Variants in SCHIP1 observed in about 807,000 individuals in gnomAD.
The protein encoded by SCHIP1 is schwannomin interacting protein 1, also known as schwannomin-interacting protein 1.
A neutral mutation model predicts 29.7 loss-of-function variants in SCHIP1; 8 were observed. The observed-to-expected ratio is 0.27, with a 90% CI of 0.16 to 0.49. SCHIP1 has a LOEUF of 0.49. Ranked by LOEUF, SCHIP1 falls within the 20% of genes least tolerant of loss-of-function variation. The pLI is 0.99. For missense variants in SCHIP1, 193 were observed against 294.6 expected, an observed-to-expected ratio of 0.66 and a Z score of 2.52; for synonymous variants, 76 against 94.9, an observed-to-expected ratio of 0.80 and a Z score of 1.16.
At chr3:159,521,555 C>T in the SCHIP1 span, among the ~76,000 whole-genome samples, 1 of 152,228 alleles carries the variant, frequency 6.6e-6, no homozygotes. Context: ...TATGTTTCAC[C>T]CAGGTGCCTT....
chr3:159,668,373 T>C, the SCHIP1 span, among the ~76,000 whole-genome samples: 1 of 103,774 alleles, frequency 9.6e-6, no homozygotes, highest in Non-Finnish European at 1.6e-5. Flanking sequence ...CGAGACTCCG[T>C]CTCAAAAAAA....
chr3:159,732,893 A>G, the SCHIP1 span, among the ~76,000 whole-genome samples: 1 of 152,214 alleles, frequency 6.6e-6, no homozygotes, highest in Non-Finnish European at 1.5e-5. Context: ...TGGAATGTCT[A>G]TAGGCCTGGA....
chr3:159,771,047 G>A, the SCHIP1 span, among the ~76,000 whole-genome samples: 3 of 152,262 alleles, frequency 2.0e-5, no homozygotes, highest in East Asian at 5.8e-4. Flanking sequence ...TTCTTCTGAC[G>A]AAGTTATTTC....
chr3:159,391,118 A>G, the SCHIP1 span, among the ~76,000 whole-genome samples: 1 of 152,160 alleles, frequency 6.6e-6, no homozygotes, highest in East Asian at 1.9e-4. Flanking sequence ...CGCAGGGAAT[A>G]GTTTAAGGAG....
chr3:159,577,573 C>A, the SCHIP1 span, among the ~76,000 whole-genome samples: 1 of 152,288 alleles, frequency 6.6e-6, no homozygotes, highest in Non-Finnish European at 1.5e-5. Context: ...GGGAGTGATG[C>A]AACTGTACCA....
the SCHIP1 span, among the ~76,000 whole-genome samples, chr3:159,737,589 C>A: frequency 6.6e-6 from 1 of 152,180 alleles, no homozygotes; most frequent in African/African-American, 2.4e-5. Flanking sequence ...TTGTAACAGG[C>A]ACTGTGCTAA....
intron 1 of SCHIP1, among the ~76,000 whole-genome samples, chr3:159,864,476 C>T (rs1714400472): frequency 1.0e-5 from 1 of 100,078 alleles, no homozygotes; most frequent in Non-Finnish European, 2.3e-5. Context: ...GTACTACACA[C>T]ACACACACAC....
At chr3:159,555,381 C>A in the SCHIP1 span, among the ~76,000 whole-genome samples, 1 of 152,194 alleles carries the variant, frequency 6.6e-6, no homozygotes, top group Admixed American at 6.5e-5. Context: ...GATACATTTT[C>A]TTTTTACTTT....
the SCHIP1 span, among the ~76,000 whole-genome samples, chr3:159,758,241 C>T: frequency 6.6e-6 from 1 of 152,172 alleles, no homozygotes; most frequent in African/African-American, 2.4e-5. Flanking sequence ...CAAACTCCAC[C>T]TGCTGGGTTC....
the SCHIP1 span, among the ~76,000 whole-genome samples, chr3:159,548,796 T>C: frequency 2.0e-5 from 3 of 152,140 alleles, no homozygotes; most frequent in Non-Finnish European, 4.4e-5. Context: ...TATGAATATG[T>C]TTCCTTTTCA....
chr3:159,287,224 C>A, the SCHIP1 span, among the ~76,000 whole-genome samples: 1 of 151,922 alleles, frequency 6.6e-6, no homozygotes, highest in South Asian at 2.1e-4. Flanking sequence ...AGTCTTTAAT[C>A]CATTTTGAAT....
the SCHIP1 span, among the ~76,000 whole-genome samples, chr3:159,518,764 C>A: frequency 2.0e-5 from 3 of 152,028 alleles, no homozygotes; most frequent in Non-Finnish European, 4.4e-5. Context: ...AGACTTTAGG[C>A]ATCTTTCCAT....
chr3:159,510,143 A>G, the SCHIP1 span, among the ~76,000 whole-genome samples: 1 of 152,028 alleles, frequency 6.6e-6, no homozygotes. Flanking sequence ...ATAGTCCCAT[A>G]TTTCTTGGAG....
chr3:159,631,158 C>T, the SCHIP1 span, among the ~76,000 whole-genome samples: 1 of 151,350 alleles, frequency 6.6e-6, no homozygotes, highest in African/African-American at 2.4e-5. Flanking sequence ...ATGGCTATTA[C>T]TAAAACTTAA....
At chr3:159,333,968 G>T in the SCHIP1 span, among the ~76,000 whole-genome samples, 1 of 152,052 alleles carries the variant, frequency 6.6e-6, no homozygotes, top group Non-Finnish European at 1.5e-5. Context: ...AGCCAAAAAA[G>T]ATAATTAGTA....
the SCHIP1 span, among the ~76,000 whole-genome samples, chr3:159,799,766 G>T: frequency 1.3e-5 from 2 of 152,216 alleles, no homozygotes; most frequent in Non-Finnish European, 1.5e-5. Flanking sequence ...AGGAGGGATG[G>T]GTTGGGGCCA....
At chr3:159,278,278 C>A in the SCHIP1 span, among the ~76,000 whole-genome samples, 1 of 152,066 alleles carries the variant, frequency 6.6e-6, no homozygotes, top group East Asian at 1.9e-4. Flanking sequence ...AAGGGGAAAA[C>A]TGGGAAATAA....
the SCHIP1 span, among the ~76,000 whole-genome samples, chr3:159,304,506 A>G: frequency 3.2e-4 from 49 of 152,228 alleles, no homozygotes; most frequent in African/African-American, 1.1e-3. Flanking sequence ...TATTTTTCCC[A>G]CAATCCAGCT....
At chr3:159,431,807 CAAA>C in the SCHIP1 span, among the ~76,000 whole-genome samples, 4 of 83,798 alleles carry the variant, frequency 4.8e-5, no homozygotes, top group Non-Finnish European at 7.6e-5. Context: ...GATTCCATCT[CAAA>C]AAAAAAAAAA....
Sources: gnomAD v4.1 joint callset for allele counts (sites outside exome capture counted in the v4.1 genomes callset) on GRCh38, gnomAD v4.1.1 for gene constraint, MANE v1.5 for transcripts, NCBI Gene and HGNC (gene_info 2026-07-23, HGNC 2026-07-21) for gene names.